Variants in UBXN7 observed in about 807,000 individuals in gnomAD.
UBXN7 encodes UBX domain protein 7.
Under a neutral mutation model 58.0 loss-of-function variants are expected in UBXN7, and 9 were observed. That is an observed-to-expected ratio of 0.16 (90% confidence interval 0.09 to 0.27). UBXN7 has a LOEUF of 0.27. Ranked by LOEUF, UBXN7 falls within the 10% of genes least tolerant of loss-of-function variation. UBXN7 has a pLI of 1.00. For missense variants in UBXN7, 328 were observed against 599.6 expected (o/e 0.55, Z 4.73); for synonymous variants, 208 against 205.0 (o/e 1.01, Z -0.12).
intron 1 of UBXN7, among the ~76,000 whole-genome samples, chr3:196,421,598 C>A (rs1053382925): frequency 4.0e-5 from 6 of 151,478 alleles, no homozygotes; most frequent in East Asian, 1.9e-4. Flanking sequence ...GGTGAAACCC[C>A]CCCCCAGTCT....
chr3:196,391,388 C>T (rs771514970), intron 5 of UBXN7, among the ~76,000 whole-genome samples: 2 of 151,920 alleles, frequency 1.3e-5, no homozygotes, highest in African/African-American at 2.4e-5. Context: ...TATTATAATG[C>T]CAATTCCCTA....
chr3:196,404,150 T>C (rs1482761979), intron 2 of UBXN7, among the ~76,000 whole-genome samples: 1 of 152,160 alleles, frequency 6.6e-6, no homozygotes, highest in Non-Finnish European at 1.5e-5. Flanking sequence ...TATTGAACTT[T>C]GCTGATTAAT....
At chr3:196,383,498 T>C (rs1005117049) in intron 5 of UBXN7, among the ~76,000 whole-genome samples, 3 of 152,190 alleles carry the variant, frequency 2.0e-5, no homozygotes, top group Non-Finnish European at 4.4e-5. Context: ...AATATACATT[T>C]CTTCTCAGCA....
intron 6 of UBXN7, 104 bp from the exon 7 acceptor site, chr3:196,369,615 G>C (rs911628613): frequency 1.3e-6 from 1 of 777,806 alleles, no homozygotes; most frequent in East Asian, 2.6e-5. Context: ...TATACCTCCG[G>C]CCTATGTATT....
chr3:196,386,760 T>C (rs1292710794), intron 5 of UBXN7, among the ~76,000 whole-genome samples: 1 of 152,100 alleles, frequency 6.6e-6, no homozygotes, highest in East Asian at 1.9e-4. Flanking sequence ...ATAGGAAGAA[T>C]CAATACCTGA....
rs111479376 is a variant in UBXN7 at position 196,415,119 on chromosome 3, GCCT to G, written c.74-7729_74-7727del. Among the ~76,000 whole-genome samples, 299 of 149,440 alleles carry G rather than the reference GCCT, an allele frequency of 2.0e-3. 1 individual carries two copies. Among genetic ancestry groups the G allele is most frequent in the African/African-American group, 6.5e-3 (263 of 40,688 alleles). The stretch of plus-strand genomic sequence containing the variant: ...AGTGTTTCCCTAATATTTGTACATT[GCCT>G]CCAGTTACATTGTGTTGTATTATCA... On this transcript the variant is annotated intron_variant, in intron 1 of 10. Coordinates refer to ENST00000296328, the MANE Select transcript of UBXN7 (RefSeq NM_015562.2).
chr3:196,408,076 C>A (rs932757091), intron 1 of UBXN7, among the ~76,000 whole-genome samples: 4 of 111,658 alleles, frequency 3.6e-5, no homozygotes, highest in African/African-American at 1.4e-4. Flanking sequence ...CCAGCCTGGG[C>A]AACAGAGCGA....
chr3:196,402,075 G>A (rs181360240), intron 3 of UBXN7, among the ~76,000 whole-genome samples: 23 of 152,312 alleles, frequency 1.5e-4, no homozygotes, highest in African/African-American at 5.5e-4. Context: ...AGACTGGAGT[G>A]CAGTGGCAGT....
chr3:196,356,654 G>GTTAGA lies in UBXN7; in HGVS notation c.*30_*31insTCTAA. On this transcript the variant is annotated 3_prime_UTR_variant, in exon 11 of 11. Transcript: ENST00000296328. ...GTATCTCACAGGAAAAGGGAAAAAA[G>GTTAGA]GGGTAAGCTGAGAGAGGTCAAGCCA... is the stretch of plus-strand genomic sequence containing the variant. 1 of 1,562,562 alleles carries GTTAGA rather than the reference G, an allele frequency of 6.4e-7. No homozygotes were observed. Among genetic ancestry groups the GTTAGA allele is most frequent in the Non-Finnish European group, 8.6e-7 (1 of 1,161,726 alleles).
chr3:196,430,966 T>C (rs940948713), intron 1 of UBXN7, among the ~76,000 whole-genome samples: 1 of 152,196 alleles, frequency 6.6e-6, no homozygotes, highest in Non-Finnish European at 1.5e-5. Flanking sequence ...CCCAATTTTA[T>C]TGCAAATTTT....
In UBXN7 at chr3:196,432,331, A is replaced by G. The variant is rs750792405; in HGVS notation, c.69T>C (p.Ile23=). Residue 23 remains isoleucine, a synonymous_variant, in exon 1 of 11, where the codon ATT becomes ATC. Transcript: ENST00000296328. ...LKGLIQQFTT[I]TGASESVGKH... ...TCCGGTAACCGCGTCTCTTACCGGT[A>G]ATGGTGGTGAACTGTTGAATTAACC... 1.2e-6 allele frequency: 2 copies of G among 1,613,066 alleles called. No homozygotes were observed. Among genetic ancestry groups the G allele is most frequent in the Non-Finnish European group, 1.7e-6 (2 of 1,179,688 alleles).
At chr3:196,403,156 A>G (rs2108852812) in intron 2 of UBXN7, 137 bp from the exon 3 acceptor site, 1 of 893,468 alleles carries the variant, frequency 1.1e-6, no homozygotes, top group East Asian at 2.9e-5. Context: ...TTGTGTTGCT[A>G]TTTTTTTGGG....
intron 2 of UBXN7, among the ~76,000 whole-genome samples, chr3:196,404,212 TTATTA>T (rs1369975975): frequency 2.0e-5 from 3 of 152,110 alleles, no homozygotes; most frequent in African/African-American, 4.8e-5. Flanking sequence ...CTTATAAGTA[TTATTA>T]TATAAGCATG....
chr3:196,404,661 G>C (rs1158657982), intron 2 of UBXN7, among the ~76,000 whole-genome samples: 1 of 152,110 alleles, frequency 6.6e-6, no homozygotes, highest in Non-Finnish European at 1.5e-5. Flanking sequence ...AAATGAAGTA[G>C]GAATACTCAT....
At chr3:196,382,879 G>GC (rs912432904) in intron 5 of UBXN7, among the ~76,000 whole-genome samples, 16 of 152,172 alleles carry the variant, frequency 1.1e-4, no homozygotes. Flanking sequence ...ACTTTGGGAG[G>GC]CCAAGGCAGG....
chr3:196,353,042 A>G lies in UBXN7; in HGVS notation c.*3643T>C, dbSNP rs1728253848. 6.6e-6 allele frequency: 1 copy of G among 152,240 alleles called. No homozygotes were observed. Among genetic ancestry groups the G allele is most frequent in the Non-Finnish European group, 1.5e-5 (1 of 68,038 alleles). The allele number at this position is 152,240 out of a possible 1,614,324, so 9.4% of individuals were successfully genotyped here. ...AATCAGCCTCTCAAAATAATGGCAT[A>G]AATAAAAATGTATAGGCATAGTGCA... On this transcript the variant is annotated 3_prime_UTR_variant, in exon 11 of 11. Transcript: ENST00000296328.
intron 1 of UBXN7, among the ~76,000 whole-genome samples, chr3:196,426,323 T>C (rs1400490828): frequency 1.7e-4 from 25 of 146,564 alleles, no homozygotes; most frequent in African/African-American, 6.1e-4. Flanking sequence ...GAGGCGGAGG[T>C]TGCAATGAGC....
At chr3:196,402,821 G>A (rs539770723) in intron 3 of UBXN7, 131 bp downstream of exon 3, 1 of 1,016,524 alleles carries the variant, frequency 9.8e-7, no homozygotes, top group South Asian at 1.5e-5. Context: ...TTCTTGACAG[G>A]ACTATAGAAA....
intron 5 of UBXN7, among the ~76,000 whole-genome samples, chr3:196,379,789 C>G (rs1729144508): frequency 6.6e-6 from 1 of 151,994 alleles, no homozygotes; most frequent in Admixed American, 6.6e-5. Context: ...GTTACTGGGC[C>G]CCACCACTTA....
Sources: allele counts gnomAD v4.1 joint callset (sites outside exome capture counted in the v4.1 genomes callset), GRCh38; gene constraint gnomAD v4.1.1; transcripts MANE v1.5; gene names NCBI Gene and HGNC (gene_info 2026-07-23, HGNC 2026-07-21).